PROS1: variants seen among roughly 807,000 people sequenced by gnomAD.
PROS1 encodes the protein protein S, also known as vitamin K-dependent protein S.
In PROS1, 29 loss-of-function variants were observed where a neutral mutation model predicts 75.9. The observed-to-expected ratio is 0.38, with a 90% CI of 0.28 to 0.52. PROS1 has a LOEUF of 0.52. PROS1 is among the 20% of genes least tolerant of loss of function. The pLI is 0.83. For missense variants in PROS1, 680 were observed against 810.3 expected (o/e 0.84, Z 1.95); for synonymous variants, 245 against 280.6 (o/e 0.87, Z 1.27).
intron 1 of PROS1, among the ~76,000 whole-genome samples, chr3:93,942,772 A>G (rs994992583): frequency 5.9e-5 from 9 of 152,062 alleles, no homozygotes; most frequent in African/African-American, 2.2e-4. Context: ...GCTTTCCATC[A>G]TGGAAATCTA....
intron 4 of PROS1, 100 bp downstream of exon 4, chr3:93,910,519 A>C: frequency 5.2e-5 from 47 of 904,344 alleles, no homozygotes; most frequent in Non-Finnish European, 8.1e-5. Flanking sequence ...CCATCAAAGG[A>C]TCATTTCTCA....
chr3:93,925,567 T>C (rs1295854826), intron 2 of PROS1, among the ~76,000 whole-genome samples: 1 of 152,038 alleles, frequency 6.6e-6, no homozygotes, highest in Admixed American at 6.6e-5. Context: ...GAGGGATCAC[T>C]GTGGTCACAC....
At chr3:93,970,625 G>A (rs1372956397) in intron 1 of PROS1, among the ~76,000 whole-genome samples, 12 of 152,108 alleles carry the variant, frequency 7.9e-5, no homozygotes, top group African/African-American at 2.9e-4. Context: ...TTACAGGCAT[G>A]AGCGGCTATG....
intron 1 of PROS1, among the ~76,000 whole-genome samples, chr3:93,952,492 A>G (rs9875130): frequency 0.8 from 120,891 of 151,834 alleles, 48,332 homozygotes; most frequent in Non-Finnish European, 0.83. Context: ...GGTACATAAC[A>G]AAATGAAGGC....
At chr3:93,967,435 C>T (rs1231993507) in intron 1 of PROS1, among the ~76,000 whole-genome samples, 1 of 152,152 alleles carries the variant, frequency 6.6e-6, no homozygotes, top group Non-Finnish European at 1.5e-5. Flanking sequence ...TATAGTTTTC[C>T]TTGGCCTTAG....
intron 1 of PROS1, among the ~76,000 whole-genome samples, chr3:93,955,569 C>T (rs1357735879): frequency 1.3e-5 from 2 of 151,414 alleles, no homozygotes; most frequent in East Asian, 3.9e-4. Flanking sequence ...CACAGGACGG[C>T]CTGTCATGGG....
At chr3:93,939,320 T>C (rs565057692) in intron 1 of PROS1, among the ~76,000 whole-genome samples, 115 of 152,044 alleles carry the variant, frequency 7.6e-4, no homozygotes, top group African/African-American at 2.7e-3. Flanking sequence ...ATCCCAAATC[T>C]TCCTTCTTTC....
intron 1 of PROS1, among the ~76,000 whole-genome samples, chr3:93,952,955 A>G (rs1271571486): frequency 1.3e-5 from 2 of 152,234 alleles, no homozygotes; most frequent in Non-Finnish European, 2.9e-5. Flanking sequence ...AAACACCTCA[A>G]TGCAAATCAA....
intron 7 of PROS1, among the ~76,000 whole-genome samples, chr3:93,899,717 T>C (rs180844855): frequency 6.6e-6 from 1 of 152,302 alleles, no homozygotes; most frequent in African/African-American, 2.4e-5. Flanking sequence ...AAAATTATTA[T>C]TGATTTAGGC....
chr3:93,873,631 G>A lies in PROS1; in HGVS notation c.*614C>T, dbSNP rs1307040247. ...CTGCCAAGAAGAAGATTCCTGTGCT[G>A]CTCTCAGGAAAATATGTCCCACTTG... On this transcript the variant is annotated 3_prime_UTR_variant, in exon 15 of 15. Transcript: ENST00000394236. 6.5e-6 allele frequency: 1 copy of A among 152,932 alleles called. No individual in the cohort carries two copies. Among genetic ancestry groups the A allele is most frequent in the African/African-American group, 2.4e-5 (1 of 41,414 alleles). The allele number at this position is 152,932 out of a possible 1,614,324, so 9.5% of individuals were successfully genotyped here.
intron 3 of PROS1, among the ~76,000 whole-genome samples, chr3:93,920,030 C>T (rs926464891): frequency 6.6e-6 from 1 of 151,844 alleles, no homozygotes; most frequent in Non-Finnish European, 1.5e-5. Flanking sequence ...CTTTTAGTTC[C>T]TCAGTTAAAT....
chr3:93,896,695 G>A lies in PROS1; in HGVS notation c.850-4C>T, dbSNP rs186763415. 8 of 1,591,186 alleles carry A rather than the reference G, an allele frequency of 5.0e-6. No individual in the cohort carries two copies. In the Admixed American group the frequency reaches 1.2e-4, roughly 23 times the overall value. Reference sequence around the variant, plus strand: ...AGGGAAGGCACACTGAAACAACCTGGAATAAAAGAAACCAAATAAACAACA... The same window carrying A: ...AGGGAAGGCACACTGAAACAACCTGAAATAAAAGAAACCAAATAAACAACA... On this transcript the variant is annotated splice_region_variant and splice_polypyrimidine_tract_variant and intron_variant, in intron 8 of 14. Coordinates refer to ENST00000394236, the MANE Select transcript of PROS1 (RefSeq NM_000313.4).
At chr3:93,947,096 T>A (rs1709414432) in intron 1 of PROS1, among the ~76,000 whole-genome samples, 1 of 152,058 alleles carries the variant, frequency 6.6e-6, no homozygotes, top group Non-Finnish European at 1.5e-5. Flanking sequence ...ATCAGCGAAA[T>A]GCAAATCAAA....
chr3:93,954,791 C>A (rs1229600024), intron 1 of PROS1, among the ~76,000 whole-genome samples: 1 of 152,126 alleles, frequency 6.6e-6, no homozygotes, highest in East Asian at 1.9e-4. Flanking sequence ...GAACAGGCAA[C>A]CTACAGGATG....
At chr3:93,936,696 C>T (rs1196036788) in intron 1 of PROS1, among the ~76,000 whole-genome samples, 1 of 152,136 alleles carries the variant, frequency 6.6e-6, no homozygotes, top group Non-Finnish European at 1.5e-5. Context: ...AAGCCATGAA[C>T]TCTGTGTTGT....
intron 14 of PROS1, among the ~76,000 whole-genome samples, chr3:93,874,982 G>A (rs1389321146): frequency 1.3e-5 from 2 of 150,672 alleles, no homozygotes; most frequent in African/African-American, 4.9e-5. Context: ...CTCTTTTTTG[G>A]CCTCTCCTCT....
At chr3:93,911,921 G>A (rs1202547110) in intron 3 of PROS1, among the ~76,000 whole-genome samples, 1 of 152,144 alleles carries the variant, frequency 6.6e-6, no homozygotes, top group Non-Finnish European at 1.5e-5. Context: ...CACTGTAGAA[G>A]GGTATGTGGA....
chr3:93,900,214 A>G (rs1253029011), intron 7 of PROS1, among the ~76,000 whole-genome samples: 2 of 152,248 alleles, frequency 1.3e-5, no homozygotes, highest in Non-Finnish European at 2.9e-5. Flanking sequence ...ATGAAGTAAC[A>G]GCACCTTTAA....
intron 6 of PROS1, among the ~76,000 whole-genome samples, chr3:93,904,461 C>G (rs1708644385): frequency 6.6e-6 from 1 of 152,080 alleles, no homozygotes; most frequent in East Asian, 1.9e-4. Flanking sequence ...CATTTAACTG[C>G]AGTTTAAATA....
Sources: allele counts gnomAD v4.1 joint callset (sites outside exome capture counted in the v4.1 genomes callset), GRCh38; gene constraint gnomAD v4.1.1; transcripts MANE v1.5; gene names NCBI Gene and HGNC (gene_info 2026-07-23, HGNC 2026-07-21).